The following AHCYL2 variants were observed in gnomAD, a reference collection of about 807,000 sequenced individuals.
The protein encoded by AHCYL2 is adenosylhomocysteinase like 2.
AHCYL2 carries 28 observed loss-of-function variants against 81.4 expected under a neutral mutation model. The ratio of observed to expected loss-of-function variants is 0.34; its 90% CI spans 0.25 to 0.47. The LOEUF is 0.47. AHCYL2 is among the 20% of genes least tolerant of loss of function. AHCYL2 has a pLI of 1.00. For synonymous variants in AHCYL2, 272 were observed against 290.2 expected (o/e 0.94, Z 0.64); for missense variants, 551 against 785.1 (o/e 0.70, Z 3.56).
intron 1 of AHCYL2, among the ~76,000 whole-genome samples, chr7:129,335,838 A>T (rs1306604177): frequency 6.6e-6 from 1 of 152,178 alleles, no homozygotes; most frequent in East Asian, 1.9e-4. Flanking sequence ...ACGTAGCATT[A>T]CTTCCCCTGT....
intron 1 of AHCYL2, among the ~76,000 whole-genome samples, chr7:129,266,385 G>T (rs1795811295): frequency 6.6e-6 from 1 of 152,178 alleles, no homozygotes; most frequent in South Asian, 2.1e-4. Flanking sequence ...CTTGGGGCTG[G>T]GCGTGGTGGC....
chr7:129,305,414 C>T (rs375151516), intron 1 of AHCYL2, among the ~76,000 whole-genome samples: 1 of 152,104 alleles, frequency 6.6e-6, no homozygotes, highest in Admixed American at 6.6e-5. Flanking sequence ...GAACTGAAAT[C>T]GTGCCACTGG....
Position 129,366,770 on chromosome 7 carries a change from C to G in AHCYL2, c.364-12868C>G, listed in dbSNP as rs549182796. Among the ~76,000 whole-genome samples the G allele has an allele frequency of 1.1e-4, 9 of 82,982 alleles. 1 individual carries two copies. The East Asian group carries it at 2.7e-3, about 25-fold the overall frequency. 54.4% of individuals were successfully genotyped at this position (82,982 alleles called of 152,430 possible). The stretch of plus-strand genomic sequence containing the variant: ...CAGCCTGGGCAACAAGAGCAAAACT[C>G]TGTCTCAAAAAAAAAAAAAAAAGTT... On this transcript the variant is annotated intron_variant, in intron 1 of 16. Transcript: ENST00000325006.
chr7:129,422,995 G>C, intron 13 of AHCYL2, 57 bp downstream of exon 13: 1 of 1,444,340 alleles, frequency 6.9e-7, no homozygotes, highest in East Asian at 2.4e-5. Flanking sequence ...GCAATACCCA[G>C]GTCCCCTCCT....
chr7:129,323,083 T>C (rs954162774), intron 1 of AHCYL2, among the ~76,000 whole-genome samples: 2 of 152,142 alleles, frequency 1.3e-5, no homozygotes, highest in Non-Finnish European at 1.5e-5. Context: ...ATTTCTCTTT[T>C]TTATTTTAAA....
intron 1 of AHCYL2, among the ~76,000 whole-genome samples, chr7:129,290,486 G>A (rs1055657436): frequency 1.4e-5 from 2 of 148,064 alleles, no homozygotes; most frequent in African/African-American, 5.0e-5. Flanking sequence ...GGGCGACAGA[G>A]TGAGACTCTG....
intron 1 of AHCYL2, among the ~76,000 whole-genome samples, chr7:129,231,076 C>CA (rs1295791426): frequency 6.6e-6 from 1 of 151,936 alleles, no homozygotes; most frequent in Non-Finnish European, 1.5e-5. Context: ...ACTAAAAATA[C>CA]AAAAAATTAG....
chr7:129,408,041 T>G (rs1796385316), intron 10 of AHCYL2, among the ~76,000 whole-genome samples: 1 of 152,144 alleles, frequency 6.6e-6, no homozygotes, highest in Non-Finnish European at 1.5e-5. Flanking sequence ...TGAAATACAT[T>G]TGGGGGAGTG....
intron 1 of AHCYL2, among the ~76,000 whole-genome samples, chr7:129,231,045 A>G (rs988515634): frequency 2.6e-5 from 4 of 152,152 alleles, no homozygotes; most frequent in Non-Finnish European, 4.4e-5. Flanking sequence ...ATCCTGGCCA[A>G]TGTGGTGAAA....
intron 1 of AHCYL2, among the ~76,000 whole-genome samples, chr7:129,312,004 GACA>G (rs1797673821): frequency 6.6e-6 from 1 of 151,874 alleles, no homozygotes; most frequent in Non-Finnish European, 1.5e-5. Context: ...TTCTTTTGGA[GACA>G]ACGTTTCGCT....
At chr7:129,414,068 T>C (rs533657241) in intron 12 of AHCYL2, among the ~76,000 whole-genome samples, 1 of 152,148 alleles carries the variant, frequency 6.6e-6, no homozygotes, top group African/African-American at 2.4e-5. Context: ...GGTTTTACCA[T>C]AAAGATGAGA....
intron 1 of AHCYL2, among the ~76,000 whole-genome samples, chr7:129,276,432 T>TA (rs35351067): frequency 0.42 from 61,966 of 148,096 alleles, 12,903 homozygotes; most frequent in East Asian, 0.6. Flanking sequence ...AAGGGAAGAA[T>TA]AAAAAAAAAA....
chr7:129,354,961 C>T (rs71579836), intron 1 of AHCYL2, among the ~76,000 whole-genome samples: 3,495 of 152,188 alleles, frequency 0.023, 67 homozygotes, highest in Admixed American at 0.056. Flanking sequence ...GCAAATTTGC[C>T]TAGTCAGTAA....
chr7:129,346,658 G>A lies in AHCYL2; in HGVS notation c.364-32980G>A, dbSNP rs139888213. On this transcript the variant is annotated intron_variant, in intron 1 of 16. Coordinates refer to ENST00000325006, the MANE Select transcript of AHCYL2 (RefSeq NM_015328.4). ...AGTTATCAACACCTAATGAGGATGT[G>A]GAGCAAAAGGAACTGATTCGTTGGT... Among the ~76,000 whole-genome samples the A allele has an allele frequency of 7.2e-4, 109 of 152,226 alleles. 1 individual carries two copies. Among genetic ancestry groups the A allele is most frequent in the African/African-American group, 2.4e-3 (98 of 41,546 alleles).
At chr7:129,359,006 T>A (rs538134941) in intron 1 of AHCYL2, among the ~76,000 whole-genome samples, 39 of 152,284 alleles carry the variant, frequency 2.6e-4, no homozygotes, top group African/African-American at 8.9e-4. Flanking sequence ...CTCCTAGATA[T>A]ATATCCGTAG....
chr7:129,303,932 A>G (rs1797337462), intron 1 of AHCYL2, among the ~76,000 whole-genome samples: 1 of 152,058 alleles, frequency 6.6e-6, no homozygotes, highest in African/African-American at 2.4e-5. Flanking sequence ...TAAAAATACA[A>G]AAAATTAGTC....
At chr7:129,359,894 T>C (rs1345609043) in intron 1 of AHCYL2, among the ~76,000 whole-genome samples, 1 of 152,206 alleles carries the variant, frequency 6.6e-6, no homozygotes, top group Non-Finnish European at 1.5e-5. Flanking sequence ...TTGTATTACT[T>C]AATTGTTTAT....
At chr7:129,364,623 G>A (rs1372795912) in intron 1 of AHCYL2, among the ~76,000 whole-genome samples, 1 of 151,990 alleles carries the variant, frequency 6.6e-6, no homozygotes, top group Non-Finnish European at 1.5e-5. Flanking sequence ...AATTATTATT[G>A]TTACCACACT....
At chr7:129,377,561 C>T in intron 1 of AHCYL2, 1 of 456,684 alleles carries the variant, frequency 2.2e-6, no homozygotes, top group Non-Finnish European at 4.4e-6. Flanking sequence ...CCGTCAGTTC[C>T]TGCTTTCATT....
Sources: gnomAD v4.1 joint callset for allele counts (sites outside exome capture counted in the v4.1 genomes callset) on GRCh38, gnomAD v4.1.1 for gene constraint, MANE v1.5 for transcripts, NCBI Gene and HGNC (gene_info 2026-07-23, HGNC 2026-07-21) for gene names.